Variants in SCOC observed in about 807,000 individuals in gnomAD.
SCOC encodes the protein short coiled-coil protein, also known as short coiled coil protein.
SCOC carries 7 observed loss-of-function variants against 9.9 expected under a neutral mutation model. That is an observed-to-expected ratio of 0.71 (90% CI 0.40 to 1.33). The LOEUF (loss-of-function observed/expected upper bound fraction) is 1.33. Ranked by LOEUF, SCOC falls within the 40% of genes most tolerant of loss-of-function variation. The probability of loss-of-function intolerance (pLI) is 0.01; values close to 1 mark genes in which losing one functional copy is unlikely to be tolerated. For synonymous variants in SCOC, 19 were observed against 28.2 expected, an observed-to-expected ratio of 0.67 and a Z score of 1.03; for missense variants, 66 against 89.7, an observed-to-expected ratio of 0.74 and a Z score of 1.07.
chr4:140,260,115 A>G (rs1467700410), intron 1 of SCOC, among the ~76,000 whole-genome samples: 1 of 152,176 alleles, frequency 6.6e-6, no homozygotes, highest in African/African-American at 2.4e-5. Context: ...CATTTTCCCT[A>G]GTGTTTTGAG....
chr4:140,280,028 A>T (rs1252621145), intron 1 of SCOC, among the ~76,000 whole-genome samples: 1 of 152,232 alleles, frequency 6.6e-6, no homozygotes, highest in Non-Finnish European at 1.5e-5. Context: ...GTGAACTGGA[A>T]GTTGCACATA....
At chr4:140,303,604 A>G in intron 1 of SCOC, among the ~76,000 whole-genome samples, 1 of 152,216 alleles carries the variant, frequency 6.6e-6, no homozygotes, top group Non-Finnish European at 1.5e-5. Context: ...AGCCTAGAAA[A>G]GCCCAGGTTC....
At chr4:140,328,325 G>C (rs368577965) in intron 1 of SCOC, among the ~76,000 whole-genome samples, 8 of 152,154 alleles carry the variant, frequency 5.3e-5, no homozygotes, top group East Asian at 3.8e-4. Context: ...TTGAACTGAA[G>C]AAAGGGAATA....
chr4:140,384,495 C>T lies in SCOC; in HGVS notation c.*3391C>T, dbSNP rs1033590168. On this transcript the variant is annotated 3_prime_UTR_variant, in exon 4 of 4. Transcript: ENST00000608372. ...TCCTCAATAACTGATGATCGTCAAC[C>T]TGGCCTGTCTTTGGCAAGAATCACC... is the stretch of plus-strand genomic sequence containing the variant. The T allele has an allele frequency of 6.6e-6, 1 of 152,148 alleles. No individual in the cohort carries two copies. The highest frequency in any genetic ancestry group is 1.5e-5 in the Non-Finnish European group (1 of 68,056). The allele number at this position is 152,148 out of a possible 1,614,324, so 9.4% of individuals were successfully genotyped here. A position where few individuals can be genotyped will look rare whatever the true frequency, so the allele number is the denominator to read the frequency against.
intron 3 of SCOC, among the ~76,000 whole-genome samples, chr4:140,380,282 C>G (rs1283757379): frequency 6.8e-6 from 1 of 147,190 alleles, no homozygotes; most frequent in African/African-American, 2.5e-5. Flanking sequence ...CCTGCAACCT[C>G]TGCCTCCCAG....
chr4:140,280,387 C>T (rs1409810418), intron 1 of SCOC, among the ~76,000 whole-genome samples: 2 of 152,150 alleles, frequency 1.3e-5, no homozygotes, highest in African/African-American at 2.4e-5. Flanking sequence ...CCTTGGCCTC[C>T]CAAAGTGCTG....
intron 1 of SCOC, among the ~76,000 whole-genome samples, chr4:140,263,106 G>A (rs1048288258): frequency 5.3e-5 from 8 of 152,180 alleles, no homozygotes; most frequent in African/African-American, 1.9e-4. Context: ...TTAAAATCCT[G>A]TGCATAATCC....
At chr4:140,340,156 T>C (rs552409070), upstream of SCOC, among the ~76,000 whole-genome samples, 8 of 152,144 alleles carry the variant, frequency 5.3e-5, no homozygotes, top group African/African-American at 1.2e-4. Context: ...TGTAGGGACA[T>C]GGATGAAGCG....
intron 1 of SCOC, among the ~76,000 whole-genome samples, chr4:140,337,031 A>G (rs1732976794): frequency 6.6e-6 from 1 of 152,174 alleles, no homozygotes; most frequent in African/African-American, 2.4e-5. Flanking sequence ...GACCATTTGC[A>G]TATCTTCTTT....
At chr4:140,365,565 T>G (rs1040665174) in intron 2 of SCOC, among the ~76,000 whole-genome samples, 2 of 152,206 alleles carry the variant, frequency 1.3e-5, no homozygotes, top group Non-Finnish European at 2.9e-5. Context: ...ACAATGTATT[T>G]TCATAAAGTT....
chr4:140,287,424 C>A (rs925338573), intron 1 of SCOC, among the ~76,000 whole-genome samples: 2 of 151,286 alleles, frequency 1.3e-5, no homozygotes, highest in African/African-American at 4.9e-5. Flanking sequence ...ACACACTACA[C>A]AGACCATGCA....
chr4:140,374,612 A>G (rs2126590509), intron 1 of SCOC, among the ~76,000 whole-genome samples: 1 of 152,358 alleles, frequency 6.6e-6, no homozygotes, highest in East Asian at 1.9e-4. Flanking sequence ...CAGACATTAT[A>G]TTGAAGTTCC....
At chr4:140,337,027 T>C (rs1464350767) in intron 1 of SCOC, among the ~76,000 whole-genome samples, 1 of 152,222 alleles carries the variant, frequency 6.6e-6, no homozygotes, top group African/African-American at 2.4e-5. Flanking sequence ...TATTGACCAT[T>C]TGCATATCTT....
chr4:140,299,964 G>A (rs1195619624), intron 1 of SCOC, among the ~76,000 whole-genome samples: 1 of 152,164 alleles, frequency 6.6e-6, no homozygotes, highest in Non-Finnish European at 1.5e-5. Flanking sequence ...ACTAATGGGG[G>A]TAAGAGAGTG....
chr4:140,325,869 A>G (rs1305691388), intron 1 of SCOC, among the ~76,000 whole-genome samples: 1 of 152,232 alleles, frequency 6.6e-6, no homozygotes, highest in East Asian at 1.9e-4. Flanking sequence ...TCATACAAAA[A>G]TTCATATAAA....
chr4:140,332,743 G>C (rs945449162), intron 1 of SCOC, among the ~76,000 whole-genome samples: 1 of 152,074 alleles, frequency 6.6e-6, no homozygotes, highest in African/African-American at 2.4e-5. Flanking sequence ...ATCCAGATTT[G>C]AAATCTGTCC....
chr4:140,379,029 A>G (rs1275369919), intron 1 of SCOC, 92 bp from the exon 2 acceptor site: 2 of 787,668 alleles, frequency 2.5e-6, no homozygotes, highest in Non-Finnish European at 4.5e-6. Context: ...AAGTCCTACT[A>G]TGTCATAGTT....
intron 1 of SCOC, among the ~76,000 whole-genome samples, chr4:140,295,823 G>C (rs1404474036): frequency 6.6e-6 from 1 of 151,734 alleles, no homozygotes; most frequent in Admixed American, 6.6e-5. Context: ...CCCAGCTGCT[G>C]GGGAGGCTGA....
chr4:140,322,131 G>A (rs1250974588), intron 1 of SCOC, among the ~76,000 whole-genome samples: 1 of 152,114 alleles, frequency 6.6e-6, no homozygotes, highest in Non-Finnish European at 1.5e-5. Flanking sequence ...TCTAGTCTGT[G>A]GTATTTTGTT....
Sources: allele counts gnomAD v4.1 joint callset (sites outside exome capture counted in the v4.1 genomes callset), GRCh38; gene constraint gnomAD v4.1.1; transcripts MANE v1.5; gene names NCBI Gene and HGNC (gene_info 2026-07-23, HGNC 2026-07-21).